ROBO2: variants seen among roughly 807,000 people sequenced by gnomAD.
ROBO2 encodes roundabout guidance receptor 2.
Under a neutral mutation model 160.8 loss-of-function variants are expected in ROBO2, and 53 were observed. That is an observed-to-expected ratio of 0.33 (90% CI 0.26 to 0.41). ROBO2 has a LOEUF of 0.41. ROBO2 is among the 10% of genes least tolerant of loss of function. ROBO2 has a pLI of 1.00. For synonymous variants in ROBO2, 664 were observed against 611.7 expected, an observed-to-expected ratio of 1.09 and a Z score of -1.26; for missense variants, 1,577 against 1,722.4, an observed-to-expected ratio of 0.92 and a Z score of 1.49.
intron 2 of ROBO2, among the ~76,000 whole-genome samples, chr3:77,169,741 T>G (rs2079444546): frequency 6.6e-6 from 1 of 152,144 alleles, no homozygotes; most frequent in Non-Finnish European, 1.5e-5. Context: ...TTCCTTTCTT[T>G]TTTTATTTTT....
intron 7 of ROBO2, 49 bp downstream of exon 8, chr3:77,546,511 T>C (rs2092703342): frequency 6.2e-7 from 1 of 1,607,438 alleles, no homozygotes; most frequent in South Asian, 1.1e-5. Context: ...ACTTCTACTG[T>C]CTCTGCTGCT....
chr3:77,374,270 GT>G (rs1181762187), intron 2 of ROBO2, among the ~76,000 whole-genome samples: 9 of 139,338 alleles, frequency 6.5e-5, no homozygotes, highest in Non-Finnish European at 1.2e-4. Context: ...GCCAGTCTTA[GT>G]TTTTTTGGTG....
rs1450671620 is a variant in ROBO2, at chr3:77,275,830, A to T, written c.388+177490A>T. ...TATATCCTAAAAATTATTTTCTCTT[A>T]ATTTAGTTATAGATGAAATGCCAGG... On this transcript the variant is annotated intron_variant, in intron 2 of 25. Coordinates refer to ENST00000461745, the Ensembl canonical transcript of ROBO2. 2.6e-5 allele frequency among the ~76,000 whole-genome samples: 4 copies of T among 152,092 alleles called. No homozygotes were observed. The South Asian group carries it at 8.3e-4, about 32-fold the overall frequency.
intron 2 of ROBO2, among the ~76,000 whole-genome samples, chr3:76,672,401 C>A (rs955709989): frequency 1.3e-5 from 2 of 151,988 alleles, no homozygotes; most frequent in African/African-American, 4.8e-5. Flanking sequence ...GAAAGTGTAC[C>A]CATTTCAATG....
chr3:76,829,619 C>T (rs890345831), intron 2 of ROBO2, among the ~76,000 whole-genome samples: 2 of 151,022 alleles, frequency 1.3e-5, no homozygotes, highest in African/African-American at 2.5e-5. Flanking sequence ...TATCTCTTCT[C>T]TTCTTTTCTT....
intron 2 of ROBO2, among the ~76,000 whole-genome samples, chr3:77,394,965 C>T (rs1403757046): frequency 6.6e-6 from 1 of 151,936 alleles, no homozygotes; most frequent in African/African-American, 2.4e-5. Context: ...CTAAATAGGC[C>T]CAGTATTTCT....
chr3:76,568,171 A>G (rs890887405), intron 2 of ROBO2, among the ~76,000 whole-genome samples: 1 of 152,096 alleles, frequency 6.6e-6, no homozygotes, highest in Non-Finnish European at 1.5e-5. Flanking sequence ...TTCAACTACT[A>G]GTACAATTTC....
chr3:76,349,436 A>G (rs183975023), intron 2 of ROBO2, among the ~76,000 whole-genome samples: 4 of 152,226 alleles, frequency 2.6e-5, no homozygotes, highest in South Asian at 4.1e-4. Flanking sequence ...GAAGAACACC[A>G]TTACCCCCAT....
At chr3:76,493,625 GC>G (rs1207512473) in intron 2 of ROBO2, among the ~76,000 whole-genome samples, 1 of 151,686 alleles carries the variant, frequency 6.6e-6, no homozygotes, top group African/African-American at 2.4e-5. Flanking sequence ...ATTATGCGAA[GC>G]CTTCAGTTTT....
At chr3:76,424,728 C>T (rs550298535) in intron 2 of ROBO2, among the ~76,000 whole-genome samples, 14 of 152,008 alleles carry the variant, frequency 9.2e-5, no homozygotes, top group African/African-American at 3.1e-4. Context: ...TACAGTTATG[C>T]GTCGAAAGTG....
chr3:76,890,732 A>G (rs951599556), intron 2 of ROBO2, among the ~76,000 whole-genome samples: 2 of 152,182 alleles, frequency 1.3e-5, no homozygotes, highest in Non-Finnish European at 2.9e-5. Flanking sequence ...TAACAATGCT[A>G]GCATTTTTAT....
chr3:76,646,577 T>C (rs1219093444), intron 2 of ROBO2, among the ~76,000 whole-genome samples: 1 of 152,188 alleles, frequency 6.6e-6, no homozygotes, highest in Non-Finnish European at 1.5e-5. Flanking sequence ...AAAGATTAAA[T>C]ATGAATATGC....
At chr3:76,519,057 C>T (rs1214957570) in intron 2 of ROBO2, among the ~76,000 whole-genome samples, 1 of 152,022 alleles carries the variant, frequency 6.6e-6, no homozygotes, top group Non-Finnish European at 1.5e-5. Context: ...GAAAAACTTC[C>T]CAGAGGATGT....
chr3:76,524,192 TTGAC>T (rs1393889859), intron 2 of ROBO2, among the ~76,000 whole-genome samples: 3 of 152,072 alleles, frequency 2.0e-5, no homozygotes, highest in Admixed American at 1.3e-4. Context: ...TATGTTTCAT[TTGAC>T]TGGGCAGCAG....
rs139025209 is a variant in ROBO2 at position 77,517,742 on chromosome 3, G to A, written c.807-5033G>A. On this transcript the variant is annotated intron_variant, in intron 5 of 25. Transcript: ENST00000461745. ...AGATGTAAATGGCACAGCATTCTGA[G>A]TAACATGATGAAAGCTTTCACTGGC... Among the ~76,000 whole-genome samples the A allele has an allele frequency of 1.2e-3, 178 of 151,536 alleles. 1 individual carries two copies. Among genetic ancestry groups the A allele is most frequent in the African/African-American group, 4.1e-3 (171 of 41,448 alleles).
At position 76,987,096 on chromosome 3, in the gene ROBO2, C is replaced by T. The variant is rs904758572; in HGVS notation, c.110-110918C>T. Reference sequence around the variant, plus strand: ...CAGTAAAAGAAGCAGGCGCTAATCTCTGTCGTGATACGCCACGCCACCACT... The same window carrying T: ...CAGTAAAAGAAGCAGGCGCTAATCTTTGTCGTGATACGCCACGCCACCACT... On this transcript the variant is annotated intron_variant, in intron 2 of 26. Transcript: ENST00000487694. Among the ~76,000 whole-genome samples, 6 of 152,212 alleles carry T rather than the reference C, an allele frequency of 3.9e-5. 1 individual carries two copies. The highest frequency in any genetic ancestry group is 2.6e-4 in the Admixed American group (4 of 15,268).
chr3:77,613,553 C>A (rs558446546), intron 21 of ROBO2, among the ~76,000 whole-genome samples: 1 of 152,216 alleles, frequency 6.6e-6, no homozygotes, highest in African/African-American at 2.4e-5. Context: ...GATTAGCCTC[C>A]TCTTACGTAT....
At chr3:75,970,226 C>T (rs1019042680) in intron 2 of ROBO2, among the ~76,000 whole-genome samples, 3 of 151,484 alleles carry the variant, frequency 2.0e-5, no homozygotes, top group African/African-American at 7.3e-5. Flanking sequence ...TCTGGAAAGA[C>T]ATTTATTGTT....
chr3:77,598,487 G>GTGTATATATA (rs1553690586), intron 19 of ROBO2, among the ~76,000 whole-genome samples: 4 of 136,950 alleles, frequency 2.9e-5, no homozygotes, highest in East Asian at 2.1e-4. Context: ...TATATAGTGT[G>GTGTATATATA]TATATATATA....
Sources: gnomAD v4.1 joint callset for allele counts (sites outside exome capture counted in the v4.1 genomes callset) on GRCh38, gnomAD v4.1.1 for gene constraint, MANE v1.5 for transcripts, NCBI Gene and HGNC (gene_info 2026-07-23, HGNC 2026-07-21) for gene names.